Variants in DIO2 observed in about 807,000 individuals in gnomAD.
DIO2 encodes the protein iodothyronine deiodinase 2.
A neutral mutation model predicts 21.4 loss-of-function variants in DIO2; 19 were observed. The ratio of observed to expected loss-of-function variants is 0.89; its 90% CI spans 0.62 to 1.30. The LOEUF (loss-of-function observed/expected upper bound fraction) is 1.30. DIO2 is among the 50% of genes most tolerant of loss of function. DIO2 has a pLI of 0.00. For synonymous variants in DIO2, 122 were observed against 132.9 expected (o/e 0.92, Z 0.57); for missense variants, 302 against 338.1 (o/e 0.89, Z 0.84).
chr14:80,217,598 T>C (rs150186652), intron 2 of DIO2, among the ~76,000 whole-genome samples: 73 of 152,324 alleles, frequency 4.8e-4, no homozygotes, highest in Non-Finnish European at 8.2e-4. Context: ...AGATGGACAC[T>C]GGGAGTCTTT....
At chr14:80,221,077 A>G (rs909764623) in intron 2 of DIO2, among the ~76,000 whole-genome samples, 3 of 152,186 alleles carry the variant, frequency 2.0e-5, no homozygotes, top group African/African-American at 7.2e-5. Context: ...TGATGTGTAT[A>G]AGGAACTACT....
At chr14:80,228,667 G>A (rs1256709014) in intron 2 of DIO2, among the ~76,000 whole-genome samples, 4 of 152,204 alleles carry the variant, frequency 2.6e-5, no homozygotes, top group Admixed American at 2.0e-4. Context: ...GGGAGCCAAT[G>A]TGGGGGTTCT....
chr14:80,206,106 T>C, intron 1 of DIO2: 1 of 681,980 alleles, frequency 1.5e-6, no homozygotes, highest in Non-Finnish European at 2.5e-6. Context: ...GGAGCCAGGG[T>C]CCCTTACTGA....
At position 80,199,500 on chromosome 14, in the gene DIO2, A is replaced by G. The variant is rs1887629382; in HGVS notation, c.*3189T>C. The G allele has an allele frequency of 6.6e-6, 1 of 152,230 alleles. No homozygotes were observed. The highest frequency in any genetic ancestry group is 2.4e-5 in the African/African-American group (1 of 41,458). 9.4% of individuals were successfully genotyped at this position (152,230 alleles called of 1,614,324 possible). On this transcript the variant is annotated 3_prime_UTR_variant, in exon 2 of 2. Transcript: ENST00000438257. ...TAGGAACAGTTACTAATCTGCCTCT[A>G]AGGAGGTCAGTTACATTTTAATAGC...
chr14:80,214,292 A>G (rs1449038676), upstream of DIO2, among the ~76,000 whole-genome samples: 2 of 152,184 alleles, frequency 1.3e-5, no homozygotes, highest in East Asian at 1.9e-4. Context: ...CTTTAAACCA[A>G]TTCTCTCTCA....
intron 1 of DIO2, among the ~76,000 whole-genome samples, chr14:80,205,208 T>A (rs1299737296): frequency 1.3e-5 from 2 of 152,158 alleles, no homozygotes; most frequent in African/African-American, 2.4e-5. Context: ...CTTTTTTTTT[T>A]ATAGATCTAG....
At chr14:80,224,319 A>G (rs557370072) in intron 2 of DIO2, among the ~76,000 whole-genome samples, 1 of 152,228 alleles carries the variant, frequency 6.6e-6, no homozygotes, top group African/African-American at 2.4e-5. Flanking sequence ...CACCACCTCC[A>G]ACCAACAGAT....
At chr14:80,206,357 A>C (rs746452755) in intron 1 of DIO2, 33 of 1,435,506 alleles carry the variant, frequency 2.3e-5, no homozygotes, top group South Asian at 4.1e-5. Context: ...AAGAAAAAAA[A>C]CTTTTTTTAG....
chr14:80,209,416 T>C (rs942131800), intron 1 of DIO2, among the ~76,000 whole-genome samples: 1 of 152,056 alleles, frequency 6.6e-6, no homozygotes, highest in Non-Finnish European at 1.5e-5. Context: ...TTTAATATAC[T>C]GAGATCAAAT....
At chr14:80,205,757 A>C in intron 1 of DIO2, 1 of 1,268,062 alleles carries the variant, frequency 7.9e-7, no homozygotes, top group South Asian at 1.4e-5. Context: ...AAATTAGGAA[A>C]GTTACCAAAT....
rs1204799440 is a variant in DIO2 at position 80,202,950 on chromosome 14, G to A, written c.561C>T (p.Asn187=). Residue 187 remains asparagine, a synonymous_variant, in exon 2 of 2, where the codon AAC becomes AAT. Transcript: ENST00000438257. ...SLSFEVKKHQ[N]QEDRCAAAQQ... is the part of the protein sequence containing the mutation. ...GGGCTGCTGCACATCGATCTTCCTG[G>A]TTCTGGTGCTTCTTCACCTCAAAAG... 2 of 1,613,954 alleles carry A rather than the reference G, an allele frequency of 1.2e-6. No individual in the cohort carries two copies.
chr14:80,228,011 C>T (rs1395940939), intron 2 of DIO2, among the ~76,000 whole-genome samples: 4 of 152,208 alleles, frequency 2.6e-5, no homozygotes, highest in Non-Finnish European at 5.9e-5. Context: ...GAATTTTAGT[C>T]GGACTTATTT....
At chr14:80,212,764 G>A (rs542365723), upstream of DIO2, among the ~76,000 whole-genome samples, 23 of 151,316 alleles carry the variant, frequency 1.5e-4, no homozygotes, top group African/African-American at 5.3e-4. Context: ...TAAACTATTT[G>A]AGTACCATCC....
intron 1 of DIO2, among the ~76,000 whole-genome samples, chr14:80,209,523 C>T (rs1315407914): frequency 6.6e-6 from 1 of 152,114 alleles, no homozygotes; most frequent in African/African-American, 2.4e-5. Context: ...TTGTGTACTC[C>T]TCCACCTGCC....
chr14:80,207,803 C>CATTTTT (rs1888007818), intron 1 of DIO2, among the ~76,000 whole-genome samples: 1 of 152,170 alleles, frequency 6.6e-6, no homozygotes, highest in Admixed American at 6.5e-5. Context: ...GCTCTAAGCT[C>CATTTTT]TATCATTCCC....
intron 1 of DIO2, among the ~76,000 whole-genome samples, chr14:80,209,945 T>G (rs1888107789): frequency 6.6e-6 from 1 of 152,200 alleles, no homozygotes; most frequent in African/African-American, 2.4e-5. Flanking sequence ...TGGTTTTAGT[T>G]TTCTAGTGTT....
intron 2 of DIO2, among the ~76,000 whole-genome samples, chr14:80,226,107 T>C (rs1217188670): frequency 6.6e-6 from 1 of 152,154 alleles, no homozygotes; most frequent in Non-Finnish European, 1.5e-5. Context: ...CCTAGACCCA[T>C]GAATCTCGGC....
chr14:80,215,880 C>G (rs1425546918), upstream of DIO2: 1 of 152,270 alleles, frequency 6.6e-6, no homozygotes. Flanking sequence ...TGGGCCCATC[C>G]ATTCCACAAA....
upstream of DIO2, among the ~76,000 whole-genome samples, chr14:80,213,233 T>G (rs1322074418): frequency 2.0e-5 from 3 of 152,220 alleles, no homozygotes; most frequent in Non-Finnish European, 4.4e-5. Context: ...CACTTTATTC[T>G]ACTTTTTCAT....
Sources: gnomAD v4.1 joint callset for allele counts (sites outside exome capture counted in the v4.1 genomes callset) on GRCh38, gnomAD v4.1.1 for gene constraint, MANE v1.5 for transcripts, NCBI Gene and HGNC (gene_info 2026-07-23, HGNC 2026-07-21) for gene names.